The following RWDD1 variants were observed in gnomAD, a reference collection of about 807,000 sequenced individuals.
The protein encoded by RWDD1 is RWD domain-containing protein 1.
In RWDD1, 17 loss-of-function variants were observed where a neutral mutation model predicts 31.6. The ratio of observed to expected loss-of-function variants is 0.54; its 90% CI spans 0.37 to 0.81. The LOEUF (loss-of-function observed/expected upper bound fraction) is 0.81. Ranked by LOEUF, RWDD1 falls within the 30% of genes least tolerant of loss-of-function variation. RWDD1 has a pLI of 0.00. For missense variants in RWDD1, 204 were observed against 274.5 expected (o/e 0.74, Z 1.82); for synonymous variants, 78 against 94.2 (o/e 0.83, Z 0.99).
In RWDD1 at chr6:116,571,579, C is replaced by T. The variant is rs374276873; in HGVS notation, c.-4C>T. ...GCGATCTATGGGCAAGAGCAAGGGCCACGATGACAGATTACGGCGAGGAGC... is the reference window on the plus strand; with the variant it reads ...GCGATCTATGGGCAAGAGCAAGGGCTACGATGACAGATTACGGCGAGGAGC... On this transcript the variant is annotated 5_prime_UTR_variant, in exon 1 of 7. Transcript: ENST00000466444. 5.1e-5 allele frequency: 83 copies of T among 1,613,232 alleles called. 1 individual carries two copies. The African/African-American group carries it at 1.0e-3, about 19-fold the overall frequency.
In RWDD1 at chr6:116,580,337, C is replaced by G. The variant is rs1207846792; in HGVS notation, c.116C>G (p.Ser39Cys). The G allele has an allele frequency of 6.2e-7, 1 of 1,602,324 alleles. No individual in the cohort carries two copies. The highest frequency in any genetic ancestry group is 8.5e-7 in the Non-Finnish European group (1 of 1,172,760). Residue 39 changes from serine (S) to cysteine (C), a missense_variant, in exon 2 of 7, where the codon TCT (serine) becomes TGT (cysteine). By Grantham distance (112) the Ser-to-Cys change is moderately radical. Coordinates refer to ENST00000466444, the MANE Select transcript of RWDD1 (RefSeq NM_015952.4). ...NPPSFTITVTSEAGENDETVQ... is the reference protein window; with the variant it reads ...NPPSFTITVTCEAGENDETVQ... The stretch of plus-strand genomic sequence containing the variant: ...CCCAGCTTCACCATTACTGTGACGT[C>G]TGAGGCTGGAGAAAATGATGAAAGT...
chr6:116,572,189 C>G (rs906040853), intron 1 of RWDD1, among the ~76,000 whole-genome samples: 8 of 151,646 alleles, frequency 5.3e-5, no homozygotes, highest in South Asian at 2.1e-4. Context: ...TGGCATTCAG[C>G]AGAATGCCTA....
At position 116,584,792 on chromosome 6, in the gene RWDD1, A is replaced by G. The variant is rs778381800; in HGVS notation, c.205A>G (p.Ile69Val). ...CCCAGATGAAGCTCCCCTTTATGAAATATTCTCCCAGGAAAATCTAGAAGA... is the reference window on the plus strand; with the variant it reads ...CCCAGATGAAGCTCCCCTTTATGAAGTATTCTCCCAGGAAAATCTAGAAGA... ...KYPDEAPLYE[I>V]FSQENLEDND... The change falls in exon 3 of 7, where the codon ATA (isoleucine) becomes GTA (valine). Residue 69 changes from isoleucine to valine, a missense_variant. Transcript: ENST00000466444. 6.2e-7 allele frequency: 1 copy of G among 1,603,884 alleles called. No individual in the cohort carries two copies. Among genetic ancestry groups the G allele is most frequent in the Non-Finnish European group, 8.5e-7 (1 of 1,170,922 alleles).
intron 1 of RWDD1, among the ~76,000 whole-genome samples, chr6:116,573,204 C>G (rs1198145579): frequency 6.6e-6 from 1 of 152,188 alleles, no homozygotes; most frequent in Non-Finnish European, 1.5e-5. Context: ...TCGCTAAATC[C>G]TATGCATATA....
intron 2 of RWDD1, among the ~76,000 whole-genome samples, chr6:116,583,279 GT>G (rs1774979770): frequency 6.6e-6 from 1 of 152,080 alleles, no homozygotes; most frequent in Non-Finnish European, 1.5e-5. Context: ...GCCTGGCCAT[GT>G]TCCATTTTCC....
At chr6:116,590,662 T>C (rs1168207433) in intron 5 of RWDD1, among the ~76,000 whole-genome samples, 2 of 152,166 alleles carry the variant, frequency 1.3e-5, no homozygotes, top group Admixed American at 6.5e-5. Context: ...TTAGAAGTAG[T>C]AGAGTCAAAC....
intron 3 of RWDD1, among the ~76,000 whole-genome samples, chr6:116,586,553 T>G (rs945865141): frequency 2.0e-5 from 3 of 152,210 alleles, no homozygotes; most frequent in African/African-American, 7.2e-5. Context: ...TAAAACAGTT[T>G]ACAGTTGTCT....
At position 116,571,558 on chromosome 6, in the gene RWDD1, T is replaced by C. The variant is rs772596349; in HGVS notation, c.-25T>C. ...GCGCGCCGCCTAGGTGTCTGGGCGA[T>C]CTATGGGCAAGAGCAAGGGCCACGA... On this transcript the variant is annotated 5_prime_UTR_variant, in exon 1 of 7. Transcript: ENST00000466444. 3.7e-6 allele frequency: 6 copies of C among 1,610,594 alleles called. No homozygotes were observed. Among genetic ancestry groups the C allele is most frequent in the South Asian group, 2.2e-5 (2 of 90,818 alleles).
chr6:116,589,826 A>G (rs1775106321), intron 4 of RWDD1, among the ~76,000 whole-genome samples: 1 of 152,142 alleles, frequency 6.6e-6, no homozygotes, highest in Non-Finnish European at 1.5e-5. Flanking sequence ...ATCTTGTGAG[A>G]TTTATTCACT....
At chr6:116,576,347 C>T (rs1297999673) in intron 1 of RWDD1, among the ~76,000 whole-genome samples, 2 of 152,088 alleles carry the variant, frequency 1.3e-5, no homozygotes, top group Non-Finnish European at 2.9e-5. Context: ...TTTTGATTTC[C>T]ACTTTTTTTT....
intron 1 of RWDD1, among the ~76,000 whole-genome samples, chr6:116,579,846 T>C (rs1394350880): frequency 6.6e-6 from 1 of 152,200 alleles, no homozygotes; most frequent in East Asian, 1.9e-4. Context: ...CAAATCGGTA[T>C]TTACTGTTTG....
rs1160927477 is a variant in RWDD1, at chr6:116,596,610, A to AT, written c.*3515dup. Reference sequence around the variant, plus strand: ...GTGACTGAATCTCAACTCAGTCCTCATTTTTTAGTTCAACTTTTGACAACC... The same window carrying AT: ...GTGACTGAATCTCAACTCAGTCCTCATTTTTTTAGTTCAACTTTTGACAACC... On this transcript the variant is annotated 3_prime_UTR_variant, in exon 7 of 7. Transcript: ENST00000466444. The AT allele has an allele frequency of 6.6e-6, 1 of 152,138 alleles. No individual in the cohort carries two copies. The highest frequency in any genetic ancestry group is 2.4e-5 in the African/African-American group (1 of 41,418). The allele number at this position is 152,138 out of a possible 1,614,324, so 9.4% of individuals were successfully genotyped here. A position where few individuals can be genotyped will look rare whatever the true frequency, so the allele number is the denominator to read the frequency against.
intron 2 of RWDD1, among the ~76,000 whole-genome samples, chr6:116,581,554 T>C (rs1774947108): frequency 6.6e-6 from 1 of 152,082 alleles, no homozygotes; most frequent in African/African-American, 2.4e-5. Context: ...TCCTGCATTG[T>C]ACTTTTTTTT....
At chr6:116,577,300 CTG>C (rs1253127862) in intron 1 of RWDD1, among the ~76,000 whole-genome samples, 21 of 152,098 alleles carry the variant, frequency 1.4e-4, no homozygotes, top group African/African-American at 4.3e-4. Context: ...TTTCATAACA[CTG>C]TTATCTCTTG....
intron 1 of RWDD1, chr6:116,573,082 C>A: frequency 1.2e-6 from 1 of 809,430 alleles, no homozygotes; most frequent in Non-Finnish European, 1.5e-6. Context: ...TATTCTTAAT[C>A]ATGTTTGGTC....
In RWDD1 at chr6:116,590,383, G is replaced by T. The variant is rs371807050; in HGVS notation, c.526G>T (p.Ala176Ser). 3.1e-6 allele frequency: 5 copies of T among 1,593,996 alleles called. No homozygotes were observed. The East Asian group carries it at 1.1e-4, about 36-fold the overall frequency. Residue 176 changes from alanine (A) to serine (S), a missense_variant, in exon 5 of 7, where the codon GCA becomes TCA. By Grantham distance (99) the Ala-to-Ser change is moderately conservative. Transcript: ENST00000466444. ...GAAAAGGATGAAAGAAGAAGAACAA[G>T]CAGGAAAAAATAAATTAAGTGGTAT... Reference protein sequence around the residue: ...KKKRMKEEEQAGKNKLSGKQL... With the variant: ...KKKRMKEEEQSGKNKLSGKQL...
At chr6:116,583,539 C>A (rs995041271) in intron 2 of RWDD1, among the ~76,000 whole-genome samples, 2 of 151,966 alleles carry the variant, frequency 1.3e-5, no homozygotes, top group Non-Finnish European at 2.9e-5. Flanking sequence ...CACATACACA[C>A]ACACACACAC....
Position 116,595,149 on chromosome 6 carries a change from A to T in RWDD1, c.*2048A>T, listed in dbSNP as rs930183720. On this transcript the variant is annotated 3_prime_UTR_variant, in exon 7 of 7. Coordinates refer to ENST00000466444, the MANE Select transcript of RWDD1 (RefSeq NM_015952.4). ...CTCAATTAAGGTTAAAAAAAATAAA[A>T]AGCAATTGTTAGCAATGTGGTGCTG... 2.0e-5 allele frequency: 3 copies of T among 152,194 alleles called. No homozygotes were observed. The highest frequency in any genetic ancestry group is 6.5e-5 in the Admixed American group (1 of 15,286). 9.4% of individuals were successfully genotyped at this position (152,194 alleles called of 1,614,324 possible).
chr6:116,581,610 A>G (rs1323660749), intron 2 of RWDD1, among the ~76,000 whole-genome samples: 2 of 152,086 alleles, frequency 1.3e-5, no homozygotes, highest in Admixed American at 1.3e-4. Context: ...AAAAGTGGGC[A>G]AAGGGCATTG....
Sources: gnomAD v4.1 joint callset for allele counts (sites outside exome capture counted in the v4.1 genomes callset) on GRCh38, gnomAD v4.1.1 for gene constraint, MANE v1.5 for transcripts, NCBI Gene and HGNC (gene_info 2026-07-23, HGNC 2026-07-21) for gene names.